The following PPP3CA variants were observed in gnomAD, a reference collection of about 807,000 sequenced individuals.
PPP3CA encodes protein phosphatase 3 catalytic subunit alpha.
Under a neutral mutation model 66.5 loss-of-function variants are expected in PPP3CA, and 14 were observed. The observed-to-expected ratio is 0.21, with a 90% confidence interval of 0.14 to 0.33. The LOEUF is 0.33. PPP3CA is among the 10% of genes least tolerant of loss of function. PPP3CA has a pLI of 1.00. For missense variants in PPP3CA, 317 were observed against 639.5 expected (o/e 0.50, Z 5.44); for synonymous variants, 232 against 226.2 (o/e 1.03, Z -0.23).
intron 2 of PPP3CA, among the ~76,000 whole-genome samples, chr4:101,147,267 T>C (rs930078749): frequency 6.6e-6 from 1 of 152,216 alleles, no homozygotes; most frequent in Non-Finnish European, 1.5e-5. Context: ...ACTTGTTCTT[T>C]AGAGCATGCC....
intron 1 of PPP3CA, among the ~76,000 whole-genome samples, chr4:101,249,926 C>G (rs17031008): frequency 0.012 from 1,795 of 152,096 alleles, 25 homozygotes; most frequent in African/African-American, 0.04. Flanking sequence ...GTGAATTTTT[C>G]CCAAATTATA....
At chr4:101,231,150 A>T (rs955903936) in intron 1 of PPP3CA, among the ~76,000 whole-genome samples, 5 of 151,628 alleles carry the variant, frequency 3.3e-5, no homozygotes, top group Non-Finnish European at 5.9e-5. Context: ...TTCACAAATG[A>T]TCTTCTCCAG....
intron 1 of PPP3CA, among the ~76,000 whole-genome samples, chr4:101,237,320 C>T (rs990425979): frequency 5.3e-5 from 8 of 151,780 alleles, no homozygotes; most frequent in African/African-American, 1.5e-4. Flanking sequence ...TCGTTGTGTC[C>T]GCTGAATCAT....
At chr4:101,174,880 C>G (rs1724007560) in intron 2 of PPP3CA, among the ~76,000 whole-genome samples, 1 of 152,100 alleles carries the variant, frequency 6.6e-6, no homozygotes, top group South Asian at 2.1e-4. Flanking sequence ...TAGGTAGACA[C>G]TGAAACACAG....
chr4:101,123,460 T>C (rs751605200), intron 2 of PPP3CA, among the ~76,000 whole-genome samples: 2 of 152,148 alleles, frequency 1.3e-5, no homozygotes, highest in African/African-American at 2.4e-5. Flanking sequence ...AAACAACATA[T>C]GTCATATTAC....
chr4:101,085,419 C>A (rs1006964097), intron 6 of PPP3CA, among the ~76,000 whole-genome samples: 8 of 152,066 alleles, frequency 5.3e-5, no homozygotes, highest in Non-Finnish European at 1.2e-4. Flanking sequence ...AAGTTTGATA[C>A]CCTTATGTGT....
intron 5 of PPP3CA, 62 bp from the exon 6 acceptor site, chr4:101,093,977 T>C: frequency 2.0e-6 from 3 of 1,485,034 alleles, no homozygotes; most frequent in Non-Finnish European, 2.7e-6. Flanking sequence ...ATTCTGACAA[T>C]ACAAGAAACA....
chr4:101,326,271 C>G (rs1437913726), intron 1 of PPP3CA, among the ~76,000 whole-genome samples: 1 of 152,154 alleles, frequency 6.6e-6, no homozygotes, highest in Non-Finnish European at 1.5e-5. Context: ...TTTAAATGTT[C>G]TGTTTTTCAA....
intron 2 of PPP3CA, among the ~76,000 whole-genome samples, chr4:101,125,608 G>A (rs1180507014): frequency 2.0e-5 from 3 of 151,982 alleles, no homozygotes; most frequent in Non-Finnish European, 4.4e-5. Flanking sequence ...AATATTCCAG[G>A]CAACAATCAC....
intron 1 of PPP3CA, among the ~76,000 whole-genome samples, chr4:101,301,446 AT>A (rs1483082277): frequency 6.8e-6 from 1 of 147,006 alleles, no homozygotes; most frequent in Admixed American, 6.8e-5. Context: ...TTAATTATAT[AT>A]TAAATTTATA....
At chr4:101,104,418 T>A (rs560863041) in intron 3 of PPP3CA, among the ~76,000 whole-genome samples, 1 of 152,060 alleles carries the variant, frequency 6.6e-6, no homozygotes, top group East Asian at 1.9e-4. Context: ...CATGCATGGG[T>A]GAATATAATA....
chr4:101,186,036 G>A (rs901645220), intron 2 of PPP3CA, among the ~76,000 whole-genome samples: 4 of 152,120 alleles, frequency 2.6e-5, no homozygotes, highest in East Asian at 1.9e-4. Flanking sequence ...GAATAAAGGC[G>A]TATTTGAGGC....
chr4:101,072,762 C>G (rs1728971258), intron 8 of PPP3CA, among the ~76,000 whole-genome samples: 1 of 151,360 alleles, frequency 6.6e-6, no homozygotes, highest in Non-Finnish European at 1.5e-5. Flanking sequence ...TAGTGAAACC[C>G]CGTCTCTACT....
At chr4:101,164,516 T>C (rs1723625222) in intron 2 of PPP3CA, among the ~76,000 whole-genome samples, 1 of 152,092 alleles carries the variant, frequency 6.6e-6, no homozygotes, top group South Asian at 2.1e-4. Flanking sequence ...TATAAGGTCC[T>C]ATCAGTTCTG....
At chr4:101,108,875 A>G (rs935470988) in intron 3 of PPP3CA, 79 bp downstream of exon 3, 3 of 1,408,570 alleles carry the variant, frequency 2.1e-6, no homozygotes, top group South Asian at 2.6e-5. Context: ...CCATAAGGCA[A>G]TAACATTTAC....
chr4:101,122,006 C>T (rs1044949760), intron 2 of PPP3CA, among the ~76,000 whole-genome samples: 1 of 152,118 alleles, frequency 6.6e-6, no homozygotes, highest in Non-Finnish European at 1.5e-5. Context: ...TCTAGCATTT[C>T]AAGTGTCTCA....
rs180710283 is a variant in PPP3CA at position 101,092,521 on chromosome 4, C to A, written c.782+1255G>T. On this transcript the variant is annotated intron_variant, in intron 6 of 13. Coordinates refer to ENST00000394854, the MANE Select transcript of PPP3CA (RefSeq NM_000944.5). ...TTACATAGGTATACATGTGCCCTGG[C>A]GGTTTGTTGCACCCATCAACCCGTC... Among the ~76,000 whole-genome samples, 903 of 151,062 alleles carry A rather than the reference C, an allele frequency of 6.0e-3. 6 individuals carry two copies. The highest frequency in any genetic ancestry group is 0.021 in the African/African-American group (877 of 41,130).
At chr4:101,091,067 GA>G (rs1445641638) in intron 6 of PPP3CA, among the ~76,000 whole-genome samples, 1 of 151,998 alleles carries the variant, frequency 6.6e-6, no homozygotes, top group African/African-American at 2.4e-5. Context: ...ACTCTGCTTA[GA>G]ATATGATTTG....
At chr4:101,322,283 A>C (rs1729063049) in intron 1 of PPP3CA, among the ~76,000 whole-genome samples, 1 of 152,178 alleles carries the variant, frequency 6.6e-6, no homozygotes, top group Non-Finnish European at 1.5e-5. Flanking sequence ...GATGGCATTA[A>C]GAGATACAGC....
Sources: gnomAD v4.1 joint callset for allele counts (sites outside exome capture counted in the v4.1 genomes callset) on GRCh38, gnomAD v4.1.1 for gene constraint, MANE v1.5 for transcripts, NCBI Gene and HGNC (gene_info 2026-07-23, HGNC 2026-07-21) for gene names.